Variants in PTPRS observed in about 807,000 individuals in gnomAD.
PTPRS encodes the protein protein tyrosine phosphatase receptor type S.
In PTPRS, 63 loss-of-function variants were observed where a neutral mutation model predicts 215.3. The ratio of observed to expected loss-of-function variants is 0.29; its 90% CI spans 0.24 to 0.36. The LOEUF is 0.36. Among genes scored for constraint, PTPRS ranks in the 10% least tolerant of loss-of-function variants. PTPRS has a pLI of 1.00. For synonymous variants in PTPRS, 1,404 were observed against 1,191.4 expected (o/e 1.18, Z -3.68); for missense variants, 2,258 against 2,825.8 (o/e 0.80, Z 4.56).
At chr19:5,249,274 G>A (rs531656947) in intron 9 of PTPRS, among the ~76,000 whole-genome samples, 9 of 152,190 alleles carry the variant, frequency 5.9e-5, no homozygotes, top group South Asian at 4.1e-4. Context: ...TCGTGCCACC[G>A]CACTCCAGCC....
intron 1 of PTPRS, among the ~76,000 whole-genome samples, chr19:5,300,919 G>C (rs1454413657): frequency 1.3e-5 from 2 of 152,276 alleles, no homozygotes; most frequent in South Asian, 2.1e-4. Flanking sequence ...CAATAGCACA[G>C]AGGTCAGCAG....
At chr19:5,275,502 T>G (rs960030365) in intron 2 of PTPRS, among the ~76,000 whole-genome samples, 1 of 147,348 alleles carries the variant, frequency 6.8e-6, no homozygotes, top group South Asian at 2.5e-4. Flanking sequence ...TCCTCCCACC[T>G]TGGCCTCCCA....
At position 5,217,431 on chromosome 19, in the gene PTPRS, A is replaced by G. The variant is rs188076093; in HGVS notation, c.4049-664T>C. On this transcript the variant is annotated intron_variant, in intron 25 of 37. Coordinates refer to ENST00000262963, the MANE Select transcript of PTPRS (RefSeq NM_002850.4). Reference sequence around the variant, plus strand: ...GGGAAGAGAATACACGAGGGGTGATACATGAGGCCCTGCATGATCCCTTTA... The same window carrying G: ...GGGAAGAGAATACACGAGGGGTGATGCATGAGGCCCTGCATGATCCCTTTA... Among the ~76,000 whole-genome samples, 287 of 152,306 alleles carry G rather than the reference A, an allele frequency of 1.9e-3. 3 individuals are homozygous for G. Among genetic ancestry groups the G allele is most frequent in the Non-Finnish European group, 2.7e-3 (184 of 68,026 alleles).
chr19:5,243,140 T>A (rs966190849), intron 11 of PTPRS, among the ~76,000 whole-genome samples: 12 of 151,426 alleles, frequency 7.9e-5, no homozygotes, highest in South Asian at 2.1e-4. Context: ...TTTTTTTTTT[T>A]AATTTAATTT....
In PTPRS at chr19:5,339,764, C is replaced by T. The variant is rs1289409157; in HGVS notation, c.-95+900G>A. On this transcript the variant is annotated intron_variant, in intron 1 of 37. Transcript: ENST00000262963. This position sits in a 1 kb window ranked among gnomAD's most constrained non-coding sequence, Gnocchi z 4.2. ...CGGTATGACGTCACCTCCCCTCCCC[C>T]CGCAGCCCCCGGGGGCTCCCGGGGC... Among the ~76,000 whole-genome samples, 1 of 151,830 alleles carries T rather than the reference C, an allele frequency of 6.6e-6. No homozygotes were observed. Among genetic ancestry groups the T allele is most frequent in the African/African-American group, 2.4e-5 (1 of 41,392 alleles).
intron 1 of PTPRS, among the ~76,000 whole-genome samples, chr19:5,300,367 C>T (rs376065613): frequency 2.8e-4 from 43 of 152,228 alleles, no homozygotes; most frequent in African/African-American, 9.9e-4. Flanking sequence ...AGCACACTTC[C>T]ATCACTGCAG....
Position 5,285,933 on chromosome 19 carries a change from T to C in PTPRS, c.91+117A>G, listed in dbSNP as rs1276258203. 7 of 885,746 alleles carry C rather than the reference T, an allele frequency of 7.9e-6. No individual in the cohort carries two copies. The East Asian group carries it at 1.9e-4, about 24-fold the overall frequency. The allele number at this position is 885,746 out of a possible 1,614,324, so 54.9% of individuals were successfully genotyped here. A position where few individuals can be genotyped will look rare whatever the true frequency, so the allele number is the denominator to read the frequency against. On this transcript the variant is annotated intron_variant, in intron 2 of 37. Coordinates refer to ENST00000262963, the MANE Select transcript of PTPRS (RefSeq NM_002850.4). ...ATTTGTGGAGCATAAAAGTTCCATT[T>C]GGCAAAATGGAGGGCCCCAGGGAGG...
chr19:5,224,970 A>G (rs904222621), intron 17 of PTPRS, among the ~76,000 whole-genome samples: 1 of 151,780 alleles, frequency 6.6e-6, no homozygotes, highest in Non-Finnish European at 1.5e-5. Context: ...TGTTCCTGAA[A>G]CACCCGAGCT....
At chr19:5,302,563 A>C (rs555732138) in intron 1 of PTPRS, among the ~76,000 whole-genome samples, 77 of 152,334 alleles carry the variant, frequency 5.1e-4, no homozygotes, top group African/African-American at 1.8e-3. Flanking sequence ...GAACACCAGC[A>C]GCCGGATGGG....
chr19:5,240,939 G>A (rs939030970), intron 11 of PTPRS, among the ~76,000 whole-genome samples: 2 of 140,982 alleles, frequency 1.4e-5, no homozygotes, highest in Admixed American at 1.4e-4. Flanking sequence ...ACCCAGGCTG[G>A]AGTGCAATGG....
At chr19:5,249,807 G>A (rs959570904) in intron 9 of PTPRS, among the ~76,000 whole-genome samples, 1 of 152,180 alleles carries the variant, frequency 6.6e-6, no homozygotes, top group Admixed American at 6.5e-5. Flanking sequence ...AACGTCAAAG[G>A]GAGTAAGATC....
chr19:5,229,237 GGGGCGTGCA>G (rs760116812), intron 16 of PTPRS, 70 bp downstream of exon 16: 18 of 1,301,496 alleles, frequency 1.4e-5, no homozygotes, highest in Non-Finnish European at 1.7e-5. Context: ...CTGATGATAA[GGGGCGTGCA>G]GGAGTCACAG....
chr19:5,322,489 G>A (rs570468321), intron 1 of PTPRS, among the ~76,000 whole-genome samples: 1 of 152,110 alleles, frequency 6.6e-6, no homozygotes, highest in Non-Finnish European at 1.5e-5. Flanking sequence ...GGACCGACTC[G>A]AGCCCGCCCC....
At chr19:5,310,330 T>C (rs960041072) in intron 1 of PTPRS, among the ~76,000 whole-genome samples, 1 of 150,898 alleles carries the variant, frequency 6.6e-6, no homozygotes, top group Non-Finnish European at 1.5e-5. Context: ...TTTTTTTTTT[T>C]TTTTTGAGAT....
At chr19:5,216,477 A>G (rs1473028897) in intron 26 of PTPRS, among the ~76,000 whole-genome samples, 1 of 151,984 alleles carries the variant, frequency 6.6e-6, no homozygotes, top group Non-Finnish European at 1.5e-5. Context: ...CTGGGTACAT[A>G]CGTGCCTCAC....
At position 5,205,581 on chromosome 19, in the gene PTPRS, C is replaced by T. The variant is rs780458907; in HGVS notation, c.*1193G>A. Among the ~76,000 whole-genome samples the T allele has an allele frequency of 8.5e-5, 13 of 152,218 alleles. No homozygotes were observed. The highest frequency in any genetic ancestry group is 5.8e-4 in the East Asian group (3 of 5,202). ...GGTGGGAAAACCACCCGGCTGCTTC[C>T]GCTGGAATAAACAGTGTTGAAAGTA... On this transcript the variant is annotated 3_prime_UTR_variant, in exon 38 of 38. Transcript: ENST00000262963.
intron 1 of PTPRS, among the ~76,000 whole-genome samples, chr19:5,320,705 C>T (rs758707231): frequency 2.4e-4 from 36 of 152,036 alleles, no homozygotes; most frequent in Non-Finnish European, 5.0e-4. Context: ...GGATTACAGG[C>T]GTGAGCCACC....
In PTPRS at chr19:5,340,787, G is replaced by C. The variant is rs1237088374; in HGVS notation, c.-218C>G. ...GCGTGCGCGCGCCGGCCGGGCTGCC[G>C]GGCGGGCGGCGCGAGGACACTCACT... On this transcript the variant is annotated 5_prime_UTR_variant, in exon 1 of 38. Transcript: ENST00000262963. 1.3e-5 allele frequency: 2 copies of C among 149,160 alleles called. No homozygotes were observed. The highest frequency in any genetic ancestry group is 4.9e-5 in the African/African-American group (2 of 40,998). 9.2% of individuals were successfully genotyped at this position (149,160 alleles called of 1,614,324 possible).
At chr19:5,229,706 G>A in intron 14 of PTPRS, 22 bp from the exon 15 acceptor site, 1 of 1,010,848 alleles carries the variant, frequency 9.9e-7, no homozygotes. Context: ...GAGGGGAGGG[G>A]AGGGGCGGGC....
Sources: gnomAD v4.1 joint callset for allele counts (sites outside exome capture counted in the v4.1 genomes callset) on GRCh38, gnomAD v4.1.1 for gene constraint, Gnocchi (gnomAD v3.1) non-coding constraint, MANE v1.5 for transcripts, NCBI Gene and HGNC (gene_info 2026-07-23, HGNC 2026-07-21) for gene names.